DEPDC1B: variants seen among roughly 807,000 people sequenced by gnomAD.
The protein encoded by DEPDC1B is DEP domain containing 1B.
A neutral mutation model predicts 66.5 loss-of-function variants in DEPDC1B; 51 were observed. The ratio of observed to expected loss-of-function variants is 0.77; its 90% confidence interval spans 0.61 to 0.97. The LOEUF is 0.97. DEPDC1B is among the 50% of genes least tolerant of loss of function. DEPDC1B has a pLI of 0.00. For synonymous variants in DEPDC1B, 226 were observed against 223.6 expected, an observed-to-expected ratio of 1.01 and a Z score of -0.10; for missense variants, 552 against 637.1, an observed-to-expected ratio of 0.87 and a Z score of 1.44.
At chr5:60,645,848 TG>T (rs1273523280) in intron 3 of DEPDC1B, among the ~76,000 whole-genome samples, 3 of 152,324 alleles carry the variant, frequency 2.0e-5, no homozygotes, top group African/African-American at 4.8e-5. Context: ...TGAATATTCA[TG>T]AATTACAAAA....
At chr5:60,679,200 T>C (rs1754236284) in intron 2 of DEPDC1B, among the ~76,000 whole-genome samples, 1 of 152,204 alleles carries the variant, frequency 6.6e-6, no homozygotes, top group Non-Finnish European at 1.5e-5. Context: ...AAAAAATCTA[T>C]TGGCATATTT....
chr5:60,689,143 T>C, intron 1 of DEPDC1B: 1 of 435,018 alleles, frequency 2.3e-6, no homozygotes, highest in Non-Finnish European at 4.6e-6. Flanking sequence ...TGGCACATGG[T>C]TGAGAACTAA....
chr5:60,665,400 T>A lies in DEPDC1B; in HGVS notation c.315-17867A>T, dbSNP rs113671492. 1.2e-3 allele frequency among the ~76,000 whole-genome samples: 187 copies of A among 152,324 alleles called. 2 individuals carry two copies. Among genetic ancestry groups the A allele is most frequent in the African/African-American group, 4.5e-3 (186 of 41,576 alleles). Reference sequence around the variant, plus strand: ...AATCCCCTGCACTTCAGGCTATACATTTCAATCTCTGTATCTTTAACCTCC... The same window carrying A: ...AATCCCCTGCACTTCAGGCTATACAATTCAATCTCTGTATCTTTAACCTCC... On this transcript the variant is annotated intron_variant, in intron 2 of 10. Transcript: ENST00000265036.
chr5:60,645,787 T>C (rs1422204173), intron 3 of DEPDC1B, among the ~76,000 whole-genome samples, 168 bp from the exon 4 acceptor site: 1 of 152,226 alleles, frequency 6.6e-6, no homozygotes, highest in Non-Finnish European at 1.5e-5. Flanking sequence ...TTTCTTTACA[T>C]GGACCTCAGA....
intron 2 of DEPDC1B, among the ~76,000 whole-genome samples, chr5:60,675,730 G>A (rs1028174042): frequency 2.0e-5 from 3 of 151,858 alleles, no homozygotes; most frequent in Non-Finnish European, 4.4e-5. Context: ...TCAGCCCCAC[G>A]GCTAGCATTC....
At chr5:60,660,012 A>C (rs984293616) in intron 2 of DEPDC1B, among the ~76,000 whole-genome samples, 1 of 152,196 alleles carries the variant, frequency 6.6e-6, no homozygotes, top group African/African-American at 2.4e-5. Flanking sequence ...AACTGGATCT[A>C]CAACAACATA....
At position 60,692,195 on chromosome 5, in the gene DEPDC1B, G is replaced by A. The variant is rs191702210; in HGVS notation, c.49-4968C>T. Reference sequence around the variant, plus strand: ...CCAGAGGCTGAGGGGAGTGGGGAACGGGGAGATAATGGTCAAAAGGTACAA... The same window carrying A: ...CCAGAGGCTGAGGGGAGTGGGGAACAGGGAGATAATGGTCAAAAGGTACAA... On this transcript the variant is annotated intron_variant, in intron 1 of 10. Coordinates refer to ENST00000265036, the MANE Select transcript of DEPDC1B (RefSeq NM_018369.3). 8.5e-4 allele frequency among the ~76,000 whole-genome samples: 129 copies of A among 152,192 alleles called. 1 individual carries two copies. The highest frequency in any genetic ancestry group is 2.9e-3 in the African/African-American group (120 of 41,534).
At chr5:60,695,506 C>T (rs1754634180) in intron 1 of DEPDC1B, among the ~76,000 whole-genome samples, 1 of 152,196 alleles carries the variant, frequency 6.6e-6, no homozygotes, top group African/African-American at 2.4e-5. Context: ...GTGACCCAAA[C>T]ACCTCCACTA....
chr5:60,636,057 T>C (rs997416611), intron 7 of DEPDC1B, among the ~76,000 whole-genome samples: 5 of 152,140 alleles, frequency 3.3e-5, no homozygotes, highest in Admixed American at 6.6e-5. Flanking sequence ...TATTGCATGC[T>C]ACACATCTCA....
rs941048996 is a variant in DEPDC1B at position 60,634,765 on chromosome 5, T to C, written c.898+3985A>G. ...TACAGCCAGGTAATACCTAGGCATT[T>C]CCCTAAATTTCCACCTTTAATGAGT... is the stretch of plus-strand genomic sequence containing the variant. On this transcript the variant is annotated intron_variant, in intron 7 of 10. Transcript: ENST00000265036. Among the ~76,000 whole-genome samples, 4 of 151,926 alleles carry C rather than the reference T, an allele frequency of 2.6e-5. No homozygotes were observed. In the South Asian group the frequency reaches 8.3e-4, roughly 31 times the overall value.
Position 60,667,914 on chromosome 5 carries a change from A to T in DEPDC1B, c.314+19048T>A, listed in dbSNP as rs183682008. ...AAAAAATGGATATTTTATATATATA[A>T]AAAATGGATATTTTATATATATATA... On this transcript the variant is annotated intron_variant, in intron 2 of 10. Transcript: ENST00000265036. 1.9e-3 allele frequency among the ~76,000 whole-genome samples: 171 copies of T among 88,866 alleles called. 18 individuals are homozygous for T. The highest frequency in any genetic ancestry group is 4.0e-3 in the African/African-American group (108 of 26,808). The allele number at this position is 88,866 out of a possible 152,430, so 58.3% of individuals were successfully genotyped here. A position where few individuals can be genotyped will look rare whatever the true frequency, so the allele number is the denominator to read the frequency against.
chr5:60,677,357 C>CTG (rs1168783106), intron 2 of DEPDC1B, among the ~76,000 whole-genome samples: 1 of 150,060 alleles, frequency 6.7e-6, no homozygotes, highest in South Asian at 2.1e-4. Context: ...CTCTCTCTCT[C>CTG]TCTCTCAAAA....
intron 1 of DEPDC1B, among the ~76,000 whole-genome samples, chr5:60,693,096 T>G (rs774028485): frequency 1.3e-5 from 2 of 152,116 alleles, no homozygotes; most frequent in Non-Finnish European, 2.9e-5. Flanking sequence ...ATTTGTTGAG[T>G]TGTACACTTT....
chr5:60,615,223 C>G (rs552458548), intron 7 of DEPDC1B, among the ~76,000 whole-genome samples: 1 of 152,122 alleles, frequency 6.6e-6, no homozygotes, highest in Non-Finnish European at 1.5e-5. Context: ...GCGTGAGCAA[C>G]GCAGAAGACG....
At position 60,619,020 on chromosome 5, in the gene DEPDC1B, A is replaced by C. The variant is rs190788915; in HGVS notation, c.899-13164T>G. Among the ~76,000 whole-genome samples the C allele has an allele frequency of 2.2e-3, 330 of 152,376 alleles. 2 individuals carry two copies. Among genetic ancestry groups the C allele is most frequent in the African/African-American group, 7.6e-3 (318 of 41,586 alleles). On this transcript the variant is annotated intron_variant, in intron 7 of 10. Transcript: ENST00000265036. The stretch of plus-strand genomic sequence containing the variant: ...AATAAACGTAATCCAGCATATAAAC[A>C]GAACCAAAGACAAAAACCACATGAT...
At chr5:60,661,791 C>T (rs552651212) in intron 2 of DEPDC1B, among the ~76,000 whole-genome samples, 3 of 152,146 alleles carry the variant, frequency 2.0e-5, no homozygotes, top group Non-Finnish European at 4.4e-5. Context: ...AAGAACAATT[C>T]CCCACCAGCC....
At chr5:60,632,207 C>T (rs1254344809) in intron 7 of DEPDC1B, among the ~76,000 whole-genome samples, 1 of 152,238 alleles carries the variant, frequency 6.6e-6, no homozygotes, top group African/African-American at 2.4e-5. Flanking sequence ...TCGGGGCAGC[C>T]CAGGCCACTC....
chr5:60,599,970 G>A (rs1287374313), intron 9 of DEPDC1B, among the ~76,000 whole-genome samples: 1 of 151,892 alleles, frequency 6.6e-6, no homozygotes, highest in East Asian at 1.9e-4. Flanking sequence ...ACTGGGTTAG[G>A]GTCTCCACGA....
chr5:60,615,023 A>C (rs1752510205), intron 7 of DEPDC1B, among the ~76,000 whole-genome samples: 1 of 152,218 alleles, frequency 6.6e-6, no homozygotes, highest in Non-Finnish European at 1.5e-5. Flanking sequence ...AAATAAACAA[A>C]GCTATTATGA....
Sources: gnomAD v4.1 joint callset for allele counts (sites outside exome capture counted in the v4.1 genomes callset) on GRCh38, gnomAD v4.1.1 for gene constraint, MANE v1.5 for transcripts, NCBI Gene and HGNC (gene_info 2026-07-23, HGNC 2026-07-21) for gene names.